CEP128: variants seen among roughly 807,000 people sequenced by gnomAD.
CEP128 encodes the protein centrosomal protein 128kDa.
A neutral mutation model predicts 156.7 loss-of-function variants in CEP128; 132 were observed. That is an observed-to-expected ratio of 0.84 (90% CI 0.73 to 0.97). The LOEUF (loss-of-function observed/expected upper bound fraction) is 0.97. Ranked by LOEUF, CEP128 falls within the 50% of genes least tolerant of loss-of-function variation. The pLI, the probability that CEP128 is intolerant of heterozygous loss-of-function variation, is 0.00. For missense variants in CEP128, 1,252 were observed against 1,281.9 expected, an observed-to-expected ratio of 0.98 and a Z score of 0.36; for synonymous variants, 469 against 448.9, an observed-to-expected ratio of 1.04 and a Z score of -0.57.
intron 18 of CEP128, among the ~76,000 whole-genome samples, chr14:80,745,907 T>C (rs1345777096): frequency 6.6e-6 from 1 of 151,936 alleles, no homozygotes; most frequent in Non-Finnish European, 1.5e-5. Flanking sequence ...CAGCATATTA[T>C]AATACATAAA....
chr14:80,814,770 G>C (rs1884751547), intron 13 of CEP128, among the ~76,000 whole-genome samples: 4 of 152,044 alleles, frequency 2.6e-5, no homozygotes, highest in Non-Finnish European at 5.9e-5. Flanking sequence ...AAATTCAAAA[G>C]CTTCTGGGCC....
chr14:80,708,400 A>G (rs1897294062), intron 19 of CEP128, among the ~76,000 whole-genome samples: 1 of 152,116 alleles, frequency 6.6e-6, no homozygotes, highest in African/African-American at 2.4e-5. Flanking sequence ...GGATTTTTTA[A>G]TAAGTTGTTT....
intron 16 of CEP128, among the ~76,000 whole-genome samples, chr14:80,775,588 G>C (rs1900745420): frequency 6.6e-6 from 1 of 152,164 alleles, no homozygotes; most frequent in Non-Finnish European, 1.5e-5. Flanking sequence ...AACTGAAAGA[G>C]ATTTTGTTTT....
intron 9 of CEP128, among the ~76,000 whole-genome samples, chr14:80,849,364 G>A (rs1324426488): frequency 6.6e-6 from 1 of 152,160 alleles, no homozygotes; most frequent in Non-Finnish European, 1.5e-5. Context: ...CCCACACTTT[G>A]TGGCTTTGAA....
At chr14:80,589,793 GT>G (rs1891972237) in intron 19 of CEP128, among the ~76,000 whole-genome samples, 1 of 152,068 alleles carries the variant, frequency 6.6e-6, no homozygotes, top group African/African-American at 2.4e-5. Flanking sequence ...TATATCCTCA[GT>G]GCCTGGCAAA....
chr14:80,638,313 A>G (rs944679919), intron 19 of CEP128, among the ~76,000 whole-genome samples: 3 of 152,198 alleles, frequency 2.0e-5, no homozygotes, highest in Non-Finnish European at 2.9e-5. Context: ...AAGATAATAC[A>G]TGTTATATAA....
chr14:80,734,226 C>A (rs889128200), intron 19 of CEP128, among the ~76,000 whole-genome samples: 9 of 151,956 alleles, frequency 5.9e-5, no homozygotes, highest in African/African-American at 2.2e-4. Flanking sequence ...TGTCGATGGC[C>A]AACATGAAAA....
intron 19 of CEP128, among the ~76,000 whole-genome samples, chr14:80,622,678 C>T (rs1369787682): frequency 1.3e-5 from 2 of 150,104 alleles, no homozygotes. Context: ...CAAAAGAAGA[C>T]ATTTATGCAG....
chr14:80,592,581 C>A (rs1280508878), intron 19 of CEP128, among the ~76,000 whole-genome samples: 1 of 152,156 alleles, frequency 6.6e-6, no homozygotes, highest in East Asian at 1.9e-4. Context: ...CAAAGAGGAG[C>A]TGGTACCATT....
chr14:80,807,906 A>G (rs1210160915), intron 13 of CEP128, among the ~76,000 whole-genome samples: 1 of 152,170 alleles, frequency 6.6e-6, no homozygotes, highest in Non-Finnish European at 1.5e-5. Context: ...GCAGCACAGA[A>G]CTGGCTGAAC....
intron 19 of CEP128, among the ~76,000 whole-genome samples, chr14:80,729,275 T>C (rs1006514809): frequency 2.0e-5 from 3 of 152,016 alleles, no homozygotes; most frequent in Non-Finnish European, 4.4e-5. Context: ...TGCTTTTCCA[T>C]TCCTGAGTTA....
At chr14:80,853,819 T>C (rs1292775560) in intron 9 of CEP128, among the ~76,000 whole-genome samples, 1 of 151,890 alleles carries the variant, frequency 6.6e-6, no homozygotes, top group African/African-American at 2.4e-5. Flanking sequence ...TGGCAAAGCA[T>C]ATAGAGGTCA....
At chr14:80,863,205 A>C (rs958385476) in intron 8 of CEP128, among the ~76,000 whole-genome samples, 1 of 152,242 alleles carries the variant, frequency 6.6e-6, no homozygotes, top group African/African-American at 2.4e-5. Flanking sequence ...TAGAATGAAA[A>C]TACCAATTTT....
At position 80,730,863 on chromosome 14, in the gene CEP128, A is replaced by T. The variant is rs999733505; in HGVS notation, c.2806+12212T>A. Among the ~76,000 whole-genome samples, 7 of 152,292 alleles carry T rather than the reference A, an allele frequency of 4.6e-5. No individual in the cohort carries two copies. The East Asian group carries it at 1.4e-3, about 29-fold the overall frequency. On this transcript the variant is annotated intron_variant, in intron 19 of 24. Transcript: ENST00000555265. ...ATGGGAGAGAAAGGTTGCATCCAAT[A>T]ATATTATAATTAAATTCATTAATTG...
At chr14:80,944,089 G>A (rs10133213), upstream of CEP128, among the ~76,000 whole-genome samples, 10,056 of 151,900 alleles carry the variant, frequency 0.066, 1,105 homozygotes, top group African/African-American at 0.23. Flanking sequence ...GACAAAATGA[G>A]TTAAACCAAC....
chr14:80,858,200 A>G (rs966139885), intron 9 of CEP128, among the ~76,000 whole-genome samples: 1 of 148,144 alleles, frequency 6.8e-6, no homozygotes. Context: ...AAACAGAGAT[A>G]TAGATCAATG....
At chr14:80,900,814 TA>T (rs1883509438) in intron 6 of CEP128, among the ~76,000 whole-genome samples, 1 of 146,788 alleles carries the variant, frequency 6.8e-6, no homozygotes, top group Non-Finnish European at 1.5e-5. Flanking sequence ...TAGTAAAAAT[TA>T]AAAAAGTAAA....
chr14:80,533,871 G>A (rs558623911), intron 21 of CEP128, among the ~76,000 whole-genome samples: 2 of 152,106 alleles, frequency 1.3e-5, no homozygotes, highest in African/African-American at 4.8e-5. Context: ...GGATATCATA[G>A]AAAGATCCAC....
At chr14:80,582,109 C>A (rs1487087347) in intron 19 of CEP128, among the ~76,000 whole-genome samples, 2 of 152,170 alleles carry the variant, frequency 1.3e-5, no homozygotes, top group African/African-American at 4.8e-5. Context: ...ACTTCTGTCA[C>A]CCTGCAGGTT....
Sources: gnomAD v4.1 joint callset for allele counts (sites outside exome capture counted in the v4.1 genomes callset) on GRCh38, gnomAD v4.1.1 for gene constraint, MANE v1.5 for transcripts, NCBI Gene and HGNC (gene_info 2026-07-23, HGNC 2026-07-21) for gene names.